Variants in CCSER1 observed in about 807,000 individuals in gnomAD.
CCSER1 encodes the protein serine-rich coiled-coil domain-containing protein 1.
Under a neutral mutation model 82.0 loss-of-function variants are expected in CCSER1, and 41 were observed. That is an observed-to-expected ratio of 0.50 (90% confidence interval 0.39 to 0.65). The LOEUF is 0.65. Ranked by LOEUF, CCSER1 falls within the 30% of genes least tolerant of loss-of-function variation. The probability of loss-of-function intolerance (pLI) is 0.00; values close to 1 mark genes in which losing one functional copy is unlikely to be tolerated. For missense variants in CCSER1, 1,119 were observed against 1,064.2 expected, an observed-to-expected ratio of 1.05 and a Z score of -0.72; for synonymous variants, 414 against 383.9, an observed-to-expected ratio of 1.08 and a Z score of -0.92.
chr4:90,250,341 A>T (rs760589932), intron 1 of CCSER1, among the ~76,000 whole-genome samples: 1 of 152,066 alleles, frequency 6.6e-6, no homozygotes, highest in Non-Finnish European at 1.5e-5. Flanking sequence ...TTCTTCTAAG[A>T]CTTTTATAGC....
chr4:90,618,062 C>T (rs1305906527), intron 5 of CCSER1, among the ~76,000 whole-genome samples: 4 of 151,702 alleles, frequency 2.6e-5, no homozygotes, highest in African/African-American at 9.7e-5. Flanking sequence ...TATCACAAGT[C>T]CTTTTGTTAC....
chr4:91,223,712 TGGATTTATTGA>T (rs1472516158), intron 10 of CCSER1, among the ~76,000 whole-genome samples: 1 of 152,106 alleles, frequency 6.6e-6, no homozygotes, highest in Non-Finnish European at 1.5e-5. Flanking sequence ...AGACACATAA[TGGATTTATTGA>T]GGATGTCCAA....
intron 9 of CCSER1, among the ~76,000 whole-genome samples, chr4:91,037,721 A>G (rs762074091): frequency 2.0e-5 from 3 of 152,002 alleles, no homozygotes; most frequent in Non-Finnish European, 2.9e-5. Context: ...GCATATTTAA[A>G]TATGTATCTA....
intron 9 of CCSER1, among the ~76,000 whole-genome samples, chr4:90,924,222 G>C (rs1300318201): frequency 1.3e-5 from 2 of 152,060 alleles, no homozygotes; most frequent in Admixed American, 6.6e-5. Context: ...GCACTTTGCT[G>C]ATAAGTAGAA....
At chr4:90,624,788 T>C (rs936095359) in intron 5 of CCSER1, among the ~76,000 whole-genome samples, 1 of 152,210 alleles carries the variant, frequency 6.6e-6, no homozygotes, top group African/African-American at 2.4e-5. Flanking sequence ...TAAATGTTAC[T>C]AAATCTTAAA....
At chr4:91,063,590 T>C (rs1744132568) in intron 9 of CCSER1, among the ~76,000 whole-genome samples, 1 of 152,178 alleles carries the variant, frequency 6.6e-6, no homozygotes, top group African/African-American at 2.4e-5. Flanking sequence ...ACTCATTTTC[T>C]TATTTGATTT....
chr4:91,102,322 T>C (rs1443559297), intron 10 of CCSER1, among the ~76,000 whole-genome samples: 2 of 152,194 alleles, frequency 1.3e-5, no homozygotes, highest in African/African-American at 4.8e-5. Flanking sequence ...AAGAGAGGTA[T>C]TGCAAGGTTG....
At chr4:91,026,356 G>A (rs983459591) in intron 9 of CCSER1, among the ~76,000 whole-genome samples, 1 of 151,964 alleles carries the variant, frequency 6.6e-6, no homozygotes, top group Non-Finnish European at 1.5e-5. Context: ...GTAATCAGAC[G>A]TATTTGGCCT....
chr4:91,011,151 T>C lies in CCSER1; in HGVS notation c.2173-74799T>C, dbSNP rs577969351. Among the ~76,000 whole-genome samples, 2 of 134,804 alleles carry C rather than the reference T, an allele frequency of 1.5e-5. 1 individual carries two copies. Among genetic ancestry groups the C allele is most frequent in the Admixed American group, 1.5e-4 (2 of 13,544 alleles). The allele number at this position is 134,804 out of a possible 152,430, so 88.4% of individuals were successfully genotyped here. ...CTCTGGTTCTGAGTAAATGCAATGG[T>C]ACAGCCTCCAGTGCAGCTTCTTCAG... On this transcript the variant is annotated intron_variant, in intron 9 of 10. Transcript: ENST00000509176.
At chr4:91,301,466 AAATT>A (rs1453571196) in intron 10 of CCSER1, among the ~76,000 whole-genome samples, 3 of 151,390 alleles carry the variant, frequency 2.0e-5, no homozygotes, top group Non-Finnish European at 3.0e-5. Flanking sequence ...TATACAAAGT[AAATT>A]GTTTCTCATT....
chr4:90,757,745 C>A (rs896276528), intron 7 of CCSER1, among the ~76,000 whole-genome samples: 1 of 152,110 alleles, frequency 6.6e-6, no homozygotes, highest in African/African-American at 2.4e-5. Flanking sequence ...GCTTCAAACT[C>A]AGTTTTAACA....
intron 10 of CCSER1, among the ~76,000 whole-genome samples, chr4:91,129,605 A>G (rs979778265): frequency 6.6e-6 from 1 of 152,056 alleles, no homozygotes; most frequent in Non-Finnish European, 1.5e-5. Context: ...AAGAATGTCT[A>G]TAGAGAGAGA....
intron 3 of CCSER1, among the ~76,000 whole-genome samples, chr4:90,372,553 C>T (rs956447530): frequency 1.4e-4 from 22 of 151,958 alleles, no homozygotes; most frequent in Admixed American, 1.0e-3. Flanking sequence ...AGTTCGAGAC[C>T]ACCCTGGCCA....
intron 8 of CCSER1, among the ~76,000 whole-genome samples, chr4:90,885,537 G>A (rs959203126): frequency 1.3e-5 from 2 of 152,120 alleles, no homozygotes; most frequent in African/African-American, 4.8e-5. Context: ...GTGAGCTCAA[G>A]AGGGATGTTT....
At chr4:90,858,472 A>T (rs202066363) in intron 8 of CCSER1, among the ~76,000 whole-genome samples, 1 of 151,982 alleles carries the variant, frequency 6.6e-6, no homozygotes, top group Non-Finnish European at 1.5e-5. Flanking sequence ...AAAGTTAATT[A>T]AACCTTTTCT....
intron 6 of CCSER1, among the ~76,000 whole-genome samples, chr4:90,639,201 A>C (rs1421945922): frequency 6.6e-6 from 1 of 151,518 alleles, no homozygotes; most frequent in Non-Finnish European, 1.5e-5. Flanking sequence ...ATATATATAT[A>C]CACATATATA....
intron 10 of CCSER1, among the ~76,000 whole-genome samples, chr4:91,532,500 ATAAG>A (rs1300954404): frequency 3.9e-5 from 6 of 152,202 alleles, no homozygotes; most frequent in Admixed American, 1.3e-4. Context: ...TAGATTGAGA[ATAAG>A]TAAGTAAAGT....
At chr4:91,207,225 T>A (rs1736420186) in intron 10 of CCSER1, among the ~76,000 whole-genome samples, 1 of 151,888 alleles carries the variant, frequency 6.6e-6, no homozygotes, top group Admixed American at 6.6e-5. Flanking sequence ...TTTTAACTTT[T>A]ATTTTATGTT....
intron 10 of CCSER1, among the ~76,000 whole-genome samples, chr4:91,221,991 A>G (rs1440613344): frequency 1.3e-5 from 2 of 152,114 alleles, no homozygotes; most frequent in African/African-American, 4.8e-5. Context: ...TCTATTAAAT[A>G]TATTCTCTAA....
Sources: gnomAD v4.1 joint callset for allele counts (sites outside exome capture counted in the v4.1 genomes callset) on GRCh38, gnomAD v4.1.1 for gene constraint, MANE v1.5 for transcripts, NCBI Gene and HGNC (gene_info 2026-07-23, HGNC 2026-07-21) for gene names.